Variants in CTTNBP2 observed in about 807,000 individuals in gnomAD.
CTTNBP2 encodes cortactin binding protein 2, also known as cortactin-binding protein 2.
In CTTNBP2, 108 loss-of-function variants were observed where a neutral mutation model predicts 156.9. The observed-to-expected ratio is 0.69, with a 90% CI of 0.59 to 0.81. The LOEUF is 0.81. Among genes scored for constraint, CTTNBP2 ranks in the 30% least tolerant of loss-of-function variants. The pLI is 0.00. For synonymous variants in CTTNBP2, 767 were observed against 751.8 expected (o/e 1.02, Z -0.33); for missense variants, 1,924 against 2,035.4 (o/e 0.95, Z 1.05).
At position 117,810,791 on chromosome 7, in the gene CTTNBP2, C is replaced by A. The variant is rs760683482; in HGVS notation, c.388G>T (p.Ala130Ser). 1 of 1,613,462 alleles carries A rather than the reference C, an allele frequency of 6.2e-7. No individual in the cohort carries two copies. The highest frequency in any genetic ancestry group is 8.5e-7 in the Non-Finnish European group (1 of 1,179,976). The part of the protein sequence containing the change: ...KMQERMSAQL[A>S]AAESRQKKLE... ...TTCTTTTGTCTGCTCTCAGCAGCAG[C>A]CAGCTGTGCGGACATCCTTTCTTGC... Residue 130 changes from alanine to serine, a missense_variant, in exon 3 of 23, where the codon GCT becomes TCT. Transcript: ENST00000160373.
intron 2 of CTTNBP2, among the ~76,000 whole-genome samples, chr7:117,821,211 TC>T (rs2117026865): frequency 6.6e-6 from 1 of 152,296 alleles, no homozygotes; most frequent in African/African-American, 2.4e-5. Flanking sequence ...TTTATTTTAT[TC>T]CCATCTTGCA....
chr7:117,780,662 T>G (rs980714251), intron 6 of CTTNBP2, 71 bp from the exon 7 acceptor site: 2 of 890,056 alleles, frequency 2.2e-6, no homozygotes, highest in Non-Finnish European at 3.3e-6. Flanking sequence ...AACCAAGATA[T>G]TAAATACAGA....
At position 117,780,490 on chromosome 7, in the gene CTTNBP2, C is replaced by G; in HGVS notation, c.2474G>C (p.Cys825Ser). The change falls in exon 7 of 23, where the codon TGT becomes TCT. Residue 825 changes from cysteine to serine, a missense_variant. Cys to Ser is a moderately radical substitution (Grantham distance 112). Coordinates refer to ENST00000160373, the MANE Select transcript of CTTNBP2 (RefSeq NM_033427.3). ...TCCAGCTTCCAACAAGAGTTTAATA[C>G]ATTCTTTATTTCCATTTTTACAGGC... ...YLACKNGNKE[C>S]IKLLLEAGTN... 1 of 1,600,758 alleles carries G rather than the reference C, an allele frequency of 6.2e-7. No individual in the cohort carries two copies. The highest frequency in any genetic ancestry group is 8.5e-7 in the Non-Finnish European group (1 of 1,174,552).
At chr7:117,741,909 CA>C (rs1295296229) in intron 14 of CTTNBP2, among the ~76,000 whole-genome samples, 1 of 152,028 alleles carries the variant, frequency 6.6e-6, no homozygotes, top group Non-Finnish European at 1.5e-5. Context: ...CCAATTTATT[CA>C]AAAAATAATT....
At chr7:117,751,068 C>T (rs569921698) in intron 12 of CTTNBP2, among the ~76,000 whole-genome samples, 393 of 152,310 alleles carry the variant, frequency 2.6e-3, no homozygotes, top group Non-Finnish European at 4.2e-3. Flanking sequence ...AAGCTCATCA[C>T]ATGTCAATTA....
chr7:117,802,437 C>CAAAAAAAAAAAAAAAAAAAA (rs759797673), intron 3 of CTTNBP2, among the ~76,000 whole-genome samples: 1 of 83,740 alleles, frequency 1.2e-5, no homozygotes, highest in South Asian at 4.6e-4. Flanking sequence ...TCAGCATTGG[C>CAAAAAAAAAAAAAAAAAAAA]AAAAAAAAAA....
rs1198825649 is a variant in CTTNBP2, at chr7:117,757,953, C to A, written c.3190G>T (p.Val1064Leu). The stretch of plus-strand genomic sequence containing the variant: ...GGGGACTGCGCGAAGCTCTGACCCA[C>A]TGACCACGGCACATTTCCTAGTTTC... ...SITLGNVPWS[V>L]GQSFAQSPWD... is the part of the protein sequence containing the mutation. Residue 1064 changes from valine (V) to leucine (L), a missense_variant, in exon 11 of 23, where the codon GTG (valine) becomes TTG (leucine). Coordinates refer to ENST00000160373, the MANE Select transcript of CTTNBP2 (RefSeq NM_033427.3). 11 of 1,613,006 alleles carry A rather than the reference C, an allele frequency of 6.8e-6. No individual in the cohort carries two copies. Among genetic ancestry groups the A allele is most frequent in the Non-Finnish European group, 9.3e-6 (11 of 1,179,616 alleles).
chr7:117,852,485 T>C (rs1563068342), intron 2 of CTTNBP2, among the ~76,000 whole-genome samples: 1 of 152,172 alleles, frequency 6.6e-6, no homozygotes, highest in Non-Finnish European at 1.5e-5. Flanking sequence ...ACTCAGGTTA[T>C]GCAGCATTCT....
chr7:117,725,631 T>C (rs1464461641), intron 17 of CTTNBP2, among the ~76,000 whole-genome samples: 1 of 152,226 alleles, frequency 6.6e-6, no homozygotes, highest in African/African-American at 2.4e-5. Flanking sequence ...AACTTCTTTG[T>C]TACATCTCCT....
chr7:117,771,327 T>C (rs1797785766), intron 8 of CTTNBP2, among the ~76,000 whole-genome samples: 1 of 152,158 alleles, frequency 6.6e-6, no homozygotes, highest in Non-Finnish European at 1.5e-5. Flanking sequence ...GAAAAAAGTT[T>C]GCAATTATAA....
At chr7:117,841,399 TAC>T (rs1802269498) in intron 2 of CTTNBP2, among the ~76,000 whole-genome samples, 1 of 152,118 alleles carries the variant, frequency 6.6e-6, no homozygotes, top group African/African-American at 2.4e-5. Context: ...CTTGAAAGAC[TAC>T]ACTCTACTTT....
At chr7:117,864,633 TATATATATTCATATATCTAGATGTATGA>T (rs1448784878) in intron 1 of CTTNBP2, among the ~76,000 whole-genome samples, 1 of 148,722 alleles carries the variant, frequency 6.7e-6, no homozygotes, top group Non-Finnish European at 1.5e-5. Flanking sequence ...TTTGTTAGAA[TATATATATTCATATATCTAGATGTATGA>T]ATATATATTC....
At chr7:117,866,199 G>A (rs1442545297) in intron 1 of CTTNBP2, among the ~76,000 whole-genome samples, 1 of 151,900 alleles carries the variant, frequency 6.6e-6, no homozygotes, top group Non-Finnish European at 1.5e-5. Context: ...ATTGAACACA[G>A]GCCAATACCA....
intron 2 of CTTNBP2, among the ~76,000 whole-genome samples, chr7:117,854,654 GC>G (rs1341253163): frequency 2.6e-5 from 4 of 151,932 alleles, no homozygotes; most frequent in African/African-American, 7.3e-5. Context: ...GTTAAAATGG[GC>G]ATTTTCAGAA....
chr7:117,745,746 A>G, intron 14 of CTTNBP2, 85 bp downstream of exon 14: 1 of 885,158 alleles, frequency 1.1e-6, no homozygotes, highest in Admixed American at 2.1e-5. Context: ...TGTATCCCCA[A>G]GCAACACAGT....
intron 6 of CTTNBP2, among the ~76,000 whole-genome samples, chr7:117,781,498 T>C (rs1346153657): frequency 6.6e-6 from 1 of 152,168 alleles, no homozygotes; most frequent in Non-Finnish European, 1.5e-5. Context: ...CCCAGCACTT[T>C]GGGAGGCTGA....
intron 10 of CTTNBP2, among the ~76,000 whole-genome samples, chr7:117,759,585 C>T (rs1262357995): frequency 6.6e-6 from 1 of 152,170 alleles, no homozygotes; most frequent in East Asian, 1.9e-4. Flanking sequence ...GTAAAAAGCC[C>T]ACTTTTCCCT....
intron 3 of CTTNBP2, among the ~76,000 whole-genome samples, chr7:117,795,864 A>G (rs184469116): frequency 2.0e-5 from 3 of 152,326 alleles, no homozygotes; most frequent in Admixed American, 1.3e-4. Context: ...CTCACAATTG[A>G]TATACCTATA....
intron 2 of CTTNBP2, among the ~76,000 whole-genome samples, chr7:117,853,890 C>T (rs1460898312): frequency 6.6e-6 from 1 of 152,120 alleles, no homozygotes; most frequent in Non-Finnish European, 1.5e-5. Flanking sequence ...CTTTCATGAC[C>T]TCATCACCTG....
Sources: allele counts gnomAD v4.1 joint callset (sites outside exome capture counted in the v4.1 genomes callset), GRCh38; gene constraint gnomAD v4.1.1; transcripts MANE v1.5; gene names NCBI Gene and HGNC (gene_info 2026-07-23, HGNC 2026-07-21).